Variants in ZNF143 observed in about 807,000 individuals in gnomAD.
ZNF143 encodes zinc finger protein 143.
ZNF143 carries 49 observed loss-of-function variants against 74.1 expected under a neutral mutation model. The ratio of observed to expected loss-of-function variants is 0.66; its 90% CI spans 0.53 to 0.84. The LOEUF is 0.84. Ranked by LOEUF, ZNF143 falls within the 40% of genes least tolerant of loss-of-function variation. The pLI, the probability that ZNF143 is intolerant of heterozygous loss-of-function variation, is 0.00. For synonymous variants in ZNF143, 304 were observed against 282.8 expected (o/e 1.07, Z -0.75); for missense variants, 637 against 793.4 (o/e 0.80, Z 2.37).
At chr11:9,502,785 C>G (rs1447297131) in intron 11 of ZNF143, among the ~76,000 whole-genome samples, 1 of 151,906 alleles carries the variant, frequency 6.6e-6, no homozygotes, top group African/African-American at 2.4e-5. Context: ...TCTACTTTCT[C>G]TTCTATGGGT....
chr11:9,498,100 G>T (rs57760683), intron 10 of ZNF143, among the ~76,000 whole-genome samples: 2,970 of 152,306 alleles, frequency 0.02, 85 homozygotes, highest in African/African-American at 0.066. Context: ...AAAGTGCTGC[G>T]ATTACAGGCG....
At chr11:9,462,178 T>G (rs1013823469) in intron 1 of ZNF143, 3 of 152,092 alleles carry the variant, frequency 2.0e-5, no homozygotes, top group South Asian at 2.1e-4. Context: ...TTTGACTGTT[T>G]GGAAATTTTT....
intron 1 of ZNF143, among the ~76,000 whole-genome samples, chr11:9,465,341 C>T (rs886459969): frequency 3.9e-5 from 6 of 152,006 alleles, no homozygotes; most frequent in African/African-American, 1.5e-4. Flanking sequence ...AGCACGCCAC[C>T]ATGCCCAGCT....
rs941313973 is a variant in ZNF143 at position 9,471,540 on chromosome 11, G to T, written c.112+120G>T. On this transcript the variant is annotated intron_variant, in intron 2 of 15. Transcript: ENST00000396602. Reference sequence around the variant, plus strand: ...ACAATATAAACCTAGGTCTTTTTATGAGGTGTTTTGGTGTTTTTTTTTTTG... The same window carrying T: ...ACAATATAAACCTAGGTCTTTTTATTAGGTGTTTTGGTGTTTTTTTTTTTG... The T allele has an allele frequency of 2.9e-5, 19 of 658,782 alleles. No homozygotes were observed. The African/African-American group carries it at 3.6e-4, about 12-fold the overall frequency. 40.8% of individuals were successfully genotyped at this position (658,782 alleles called of 1,614,324 possible).
chr11:9,497,495 T>G (rs1848002780), intron 9 of ZNF143, among the ~76,000 whole-genome samples, 180 bp from the exon 10 acceptor site: 2 of 152,210 alleles, frequency 1.3e-5, no homozygotes. Flanking sequence ...CATTCCAAAG[T>G]GCTGGGGGTA....
intron 3 of ZNF143, chr11:9,473,666 A>C (rs994626338): frequency 1.1e-5 from 9 of 817,870 alleles, no homozygotes; most frequent in Non-Finnish European, 1.7e-5. Flanking sequence ...GGTATAAAGC[A>C]GTCCAACTCA....
chr11:9,482,833 G>A lies in ZNF143; in HGVS notation c.645+3287G>A, dbSNP rs527353039. Among the ~76,000 whole-genome samples, 19 of 151,396 alleles carry A rather than the reference G, an allele frequency of 1.3e-4. No homozygotes were observed. The East Asian group carries it at 3.3e-3, about 26-fold the overall frequency. On this transcript the variant is annotated intron_variant, in intron 7 of 15. Coordinates refer to ENST00000396602, the MANE Select transcript of ZNF143 (RefSeq NM_003442.6). The stretch of plus-strand genomic sequence containing the variant: ...TAAGTGGATTTTGAAGACATAGTAC[G>A]ATAAAAATAATGTAAAATATCAATA...
chr11:9,527,700 G>C lies in ZNF143; in HGVS notation c.*87G>C, dbSNP rs112098374. The C allele has an allele frequency of 8.1e-4, 1,028 of 1,271,100 alleles. 7 individuals are homozygous for C. In the African/African-American group the frequency reaches 0.011, roughly 13 times the overall value. The allele number at this position is 1,271,100 out of a possible 1,614,324, so 78.7% of individuals were successfully genotyped here. On this transcript the variant is annotated 3_prime_UTR_variant, in exon 16 of 16. Coordinates refer to ENST00000396602, the MANE Select transcript of ZNF143 (RefSeq NM_003442.6). The stretch of plus-strand genomic sequence containing the variant: ...ATGAAGCCCGGGCCCAGGAAAATTA[G>C]AAGTTTTCCATTCCTGATACACTGT...
At chr11:9,515,632 C>T (rs1848695413) in intron 13 of ZNF143, among the ~76,000 whole-genome samples, 2 of 134,744 alleles carry the variant, frequency 1.5e-5, no homozygotes, top group Admixed American at 1.6e-4. Context: ...CCAGCCTGGG[C>T]AACAGAGCGA....
intron 1 of ZNF143, among the ~76,000 whole-genome samples, chr11:9,468,511 A>G (rs940618667): frequency 3.3e-5 from 5 of 152,214 alleles, no homozygotes; most frequent in South Asian, 2.1e-4. Flanking sequence ...CACCTATCCA[A>G]TAGGATATTC....
At chr11:9,478,298 T>C in intron 5 of ZNF143, 92 bp from the exon 6 acceptor site, 1 of 1,331,718 alleles carries the variant, frequency 7.5e-7, no homozygotes, top group Non-Finnish European at 1.0e-6. Context: ...GAGTAACTAC[T>C]CAATAAAAGC....
intron 10 of ZNF143, among the ~76,000 whole-genome samples, chr11:9,499,662 G>A (rs948633322): frequency 2.6e-5 from 4 of 152,284 alleles, no homozygotes. Context: ...CAACCATCGT[G>A]CCTGTGAAGA....
At chr11:9,489,352 A>C (rs1187037612) in intron 7 of ZNF143, among the ~76,000 whole-genome samples, 1 of 152,182 alleles carries the variant, frequency 6.6e-6, no homozygotes, top group Non-Finnish European at 1.5e-5. Flanking sequence ...CCCCACAGGC[A>C]CACATTCAGA....
At chr11:9,525,962 T>G (rs11825537) in intron 15 of ZNF143, among the ~76,000 whole-genome samples, 1 of 151,186 alleles carries the variant, frequency 6.6e-6, no homozygotes, top group Non-Finnish European at 1.5e-5. Flanking sequence ...GGCAACATGG[T>G]GAAAACCATC....
At chr11:9,490,855 C>T (rs1847746103) in intron 7 of ZNF143, among the ~76,000 whole-genome samples, 1 of 152,116 alleles carries the variant, frequency 6.6e-6, no homozygotes, top group African/African-American at 2.4e-5. Context: ...ACCTCAGCCT[C>T]CCAAGTAGCT....
intron 15 of ZNF143, among the ~76,000 whole-genome samples, chr11:9,526,896 C>G (rs776639347): frequency 6.6e-6 from 1 of 152,210 alleles, no homozygotes; most frequent in Non-Finnish European, 1.5e-5. Context: ...ACCATCTTGG[C>G]TCACTGCAAG....
At chr11:9,484,987 C>G (rs1375937089) in intron 7 of ZNF143, among the ~76,000 whole-genome samples, 1 of 149,018 alleles carries the variant, frequency 6.7e-6, no homozygotes, top group Admixed American at 6.7e-5. Context: ...TTAGTAGAGA[C>G]AGGGTTTCAC....
chr11:9,475,908 A>ATATG (rs1395504199), intron 5 of ZNF143, among the ~76,000 whole-genome samples: 3 of 117,632 alleles, frequency 2.6e-5, no homozygotes, highest in Non-Finnish European at 5.2e-5. Flanking sequence ...AAAAAAATAT[A>ATATG]TATGTGTGTG....
At chr11:9,499,529 T>C (rs1848081493) in intron 10 of ZNF143, among the ~76,000 whole-genome samples, 1 of 152,194 alleles carries the variant, frequency 6.6e-6, no homozygotes, top group South Asian at 2.1e-4. Context: ...AATCATAATT[T>C]CATTTGACCA....
Sources: allele counts gnomAD v4.1 joint callset (sites outside exome capture counted in the v4.1 genomes callset), GRCh38; gene constraint gnomAD v4.1.1; transcripts MANE v1.5; gene names NCBI Gene and HGNC (gene_info 2026-07-23, HGNC 2026-07-21).